The following MLYCD variants were observed in gnomAD, a reference collection of about 807,000 sequenced individuals.
MLYCD encodes the protein malonyl-CoA decarboxylase.
Under a neutral mutation model 35.8 loss-of-function variants are expected in MLYCD, and 27 were observed. The ratio of observed to expected loss-of-function variants is 0.75; its 90% CI spans 0.56 to 1.04. The LOEUF (loss-of-function observed/expected upper bound fraction) is 1.04. Ranked by LOEUF, MLYCD falls within the 50% of genes least tolerant of loss-of-function variation. MLYCD has a pLI of 0.00. For missense variants in MLYCD, 917 were observed against 665.1 expected, an observed-to-expected ratio of 1.38 and a Z score of -4.17; for synonymous variants, 403 against 302.4, an observed-to-expected ratio of 1.33 and a Z score of -3.45.
chr16:83,909,079 A>T (rs996878728), intron 3 of MLYCD, among the ~76,000 whole-genome samples: 1 of 152,134 alleles, frequency 6.6e-6, no homozygotes, highest in Non-Finnish European at 1.5e-5. Context: ...CACCAAGGAG[A>T]AACACATTCC....
At chr16:83,912,817 T>C (rs377440664) in intron 4 of MLYCD, 4 of 275,396 alleles carry the variant, frequency 1.5e-5, no homozygotes, top group African/African-American at 6.5e-5. Flanking sequence ...TGCTGTTAGC[T>C]TGGGCCTTCT....
chr16:83,901,137 C>T (rs936064533), intron 1 of MLYCD, among the ~76,000 whole-genome samples: 3 of 152,070 alleles, frequency 2.0e-5, no homozygotes, highest in East Asian at 1.9e-4. Context: ...CATCTTTGGC[C>T]GTAAGATTCT....
At position 83,899,577 on chromosome 16, in the gene MLYCD, A is replaced by G. The variant is rs1906703372; in HGVS notation, c.433A>G (p.Ser145Gly). The G allele has an allele frequency of 6.3e-7, 1 of 1,592,826 alleles. No homozygotes were observed. Among genetic ancestry groups the G allele is most frequent in the Non-Finnish European group, 8.5e-7 (1 of 1,177,566 alleles). ...PRYRGLFHHISKLDGGVRFLV... is the reference protein window; with the variant it reads ...PRYRGLFHHIGKLDGGVRFLV... The stretch of plus-strand genomic sequence containing the variant: ...CTATCGCGGCCTCTTCCACCACATC[A>G]GCAAGCTGGACGGCGGCGTGCGCTT... Residue 145 changes from serine (S) to glycine (G), a missense_variant, in exon 1 of 5, where the codon AGC (serine) becomes GGC (glycine). By Grantham distance (56) the Ser-to-Gly change is moderately conservative (BLOSUM62 0). Transcript: ENST00000262430.
chr16:83,912,394 C>A lies in MLYCD; in HGVS notation c.948+27C>A. Reference sequence around the variant, plus strand: ...TAAGCGACACGCAGGGAGCCCCGGTCACGCTTGGCTTCCGTGTGGTCAGGT... The same window carrying A: ...TAAGCGACACGCAGGGAGCCCCGGTAACGCTTGGCTTCCGTGTGGTCAGGT... On this transcript the variant is annotated intron_variant, in intron 4 of 4. Coordinates refer to ENST00000262430, the MANE Select transcript of MLYCD (RefSeq NM_012213.3). The A allele has an allele frequency of 1.9e-6, 3 of 1,613,778 alleles. No homozygotes were observed. In the South Asian group the frequency reaches 3.3e-5, roughly 18 times the overall value.
rs991914949 is a variant in MLYCD, at chr16:83,919,414, A to G, written c.*3925A>G. 1 of 146,824 alleles carries G rather than the reference A, an allele frequency of 6.8e-6. No individual in the cohort carries two copies. Among genetic ancestry groups the G allele is most frequent in the Non-Finnish European group, 1.5e-5 (1 of 67,148 alleles). 9.1% of individuals were successfully genotyped at this position (146,824 alleles called of 1,614,324 possible). A position where few individuals can be genotyped will look rare whatever the true frequency, so the allele number is the denominator to read the frequency against. Reference sequence around the variant, plus strand: ...AGGAGAACACACACTGCACAGAACAAATGCACAGCACACAGGAGAACATGC... The same window carrying G: ...AGGAGAACACACACTGCACAGAACAGATGCACAGCACACAGGAGAACATGC... On this transcript the variant is annotated 3_prime_UTR_variant, in exon 5 of 5. Transcript: ENST00000262430.
rs1176677983 is a variant in MLYCD, at chr16:83,915,353, G to A, written c.1346G>A (p.Gly449Asp). 1 of 1,613,770 alleles carries A rather than the reference G, an allele frequency of 6.2e-7. No individual in the cohort carries two copies. The highest frequency in any genetic ancestry group is 2.2e-5 in the East Asian group (1 of 44,870). ...CTCAGAGGCATCACCGGCTCCTGCG[G>A]CCTGATGGCCAACTACCGCTACTTC... is the stretch of plus-strand genomic sequence containing the variant. ...VSLRGITGSC[G>D]LMANYRYFLE... The change falls in exon 5 of 5, where the codon GGC becomes GAC. Residue 449 changes from glycine to aspartate, a missense_variant. Physicochemically the swap from Gly to Asp is moderately conservative, Grantham distance 94. Coordinates refer to ENST00000262430, the MANE Select transcript of MLYCD (RefSeq NM_012213.3).
Position 83,915,691 on chromosome 16 carries a change from T to TGGGTGC in MLYCD, c.*209_*214dup. On this transcript the variant is annotated 3_prime_UTR_variant, in exon 5 of 5. Transcript: ENST00000262430. ...ACATGCACCCAGTGCAAGACGGTTG[T>TGGGTGC]GGGTGCGGGTGCACACAAATGAGTG... is the stretch of plus-strand genomic sequence containing the variant. 6.9e-7 allele frequency: 1 copy of TGGGTGC among 1,456,114 alleles called. No homozygotes were observed. The highest frequency in any genetic ancestry group is 2.5e-5 in the East Asian group (1 of 39,522). 90.2% of individuals were successfully genotyped at this position (1,456,114 alleles called of 1,614,324 possible).
At chr16:83,913,251 T>A (rs1165945326) in intron 4 of MLYCD, 1 of 152,214 alleles carries the variant, frequency 6.6e-6, no homozygotes, top group Non-Finnish European at 1.5e-5. Context: ...GCCGCCATGT[T>A]TCCCCCGGGT....
chr16:83,920,792 G>A lies in MLYCD; in HGVS notation c.*5303G>A, dbSNP rs371912161. ...ACAGACCTATCACCCAGCTTCCACAGTCATCAGTGGTTTTCTGTTTTTATC... is the reference window on the plus strand; with the variant it reads ...ACAGACCTATCACCCAGCTTCCACAATCATCAGTGGTTTTCTGTTTTTATC... On this transcript the variant is annotated 3_prime_UTR_variant, in exon 5 of 5. Coordinates refer to ENST00000262430, the MANE Select transcript of MLYCD (RefSeq NM_012213.3). The A allele has an allele frequency of 6.6e-6, 1 of 152,360 alleles. No individual in the cohort carries two copies. The highest frequency in any genetic ancestry group is 1.9e-4 in the East Asian group (1 of 5,188). The allele number at this position is 152,360 out of a possible 1,614,324, so 9.4% of individuals were successfully genotyped here.
rs1250374553 is a variant in MLYCD at position 83,917,703 on chromosome 16, C to G, written c.*2214C>G. On this transcript the variant is annotated 3_prime_UTR_variant, in exon 5 of 5. Transcript: ENST00000262430. ...TCTTTACCGTAAGCGTCCCCAGACCCTCAGGCCTGCGGAAACCTGCTGGGC... is the reference window on the plus strand; with the variant it reads ...TCTTTACCGTAAGCGTCCCCAGACCGTCAGGCCTGCGGAAACCTGCTGGGC... 1 of 152,260 alleles carries G rather than the reference C, an allele frequency of 6.6e-6. No individual in the cohort carries two copies. Among genetic ancestry groups the G allele is most frequent in the African/African-American group, 2.4e-5 (1 of 41,470 alleles). 9.4% of individuals were successfully genotyped at this position (152,260 alleles called of 1,614,324 possible).
Position 83,899,503 on chromosome 16 carries a change from C to T in MLYCD, c.359C>T (p.Ala120Val). Residue 120 changes from alanine to valine, a missense_variant, in exon 1 of 5, where the codon GCG becomes GTG. Ala to Val is a moderately conservative substitution (Grantham distance 64). Transcript: ENST00000262430. ...CTGCGCCAGCAGCAGCGGGAGGCGGCGGTGCTGCTGCAGGCCGAGGACCGG... is the reference window on the plus strand; with the variant it reads ...CTGCGCCAGCAGCAGCGGGAGGCGGTGGTGCTGCTGCAGGCCGAGGACCGG... ...LHLRQQQREA[A>V]VLLQAEDRLR... is the part of the protein sequence containing the mutation. 1.9e-6 allele frequency: 3 copies of T among 1,572,296 alleles called. No homozygotes were observed. Among genetic ancestry groups the T allele is most frequent in the Non-Finnish European group, 2.6e-6 (3 of 1,169,294 alleles).
Position 83,922,794 on chromosome 16 carries a change from C to G in MLYCD, c.*7305C>G, listed in dbSNP as rs1224991182. 6.6e-6 allele frequency: 1 copy of G among 152,282 alleles called. No homozygotes were observed. Among genetic ancestry groups the G allele is most frequent in the Non-Finnish European group, 1.5e-5 (1 of 68,076 alleles). 9.4% of individuals were successfully genotyped at this position (152,282 alleles called of 1,614,324 possible). A position where few individuals can be genotyped will look rare whatever the true frequency, so the allele number is the denominator to read the frequency against. On this transcript the variant is annotated 3_prime_UTR_variant, in exon 5 of 5. Coordinates refer to ENST00000262430, the MANE Select transcript of MLYCD (RefSeq NM_012213.3). ...CCTGAATGCGGGTTCTGGGATCTTT[C>G]AGTCCTTATTTGGATATTTGAATAT...
intron 3 of MLYCD, among the ~76,000 whole-genome samples, chr16:83,910,939 A>G (rs570938800): frequency 6.6e-6 from 1 of 152,308 alleles, no homozygotes; most frequent in East Asian, 1.9e-4. Context: ...TCCTCAGGGC[A>G]GATATGCATA....
In MLYCD at chr16:83,916,214, G is replaced by A. The variant is rs944707737; in HGVS notation, c.*725G>A. ...ATTGTGTAGTGGTGGTCGTCTTTAA[G>A]ATTAGAGACCTGGGAAGGCTGGAAT... On this transcript the variant is annotated 3_prime_UTR_variant, in exon 5 of 5. Coordinates refer to ENST00000262430, the MANE Select transcript of MLYCD (RefSeq NM_012213.3). 47 of 987,716 alleles carry A rather than the reference G, an allele frequency of 4.8e-5. No individual in the cohort carries two copies. In the South Asian group the frequency reaches 1.5e-3, roughly 31 times the overall value. 61.2% of individuals were successfully genotyped at this position (987,716 alleles called of 1,614,324 possible).
intron 3 of MLYCD, among the ~76,000 whole-genome samples, chr16:83,909,339 G>C (rs1024356666): frequency 4.6e-5 from 7 of 152,190 alleles, no homozygotes; most frequent in African/African-American, 1.4e-4. Context: ...GGCCCATCAG[G>C]AGAGAATGGG....
chr16:83,921,412 G>A lies in MLYCD; in HGVS notation c.*5923G>A, dbSNP rs980509231. On this transcript the variant is annotated 3_prime_UTR_variant, in exon 5 of 5. Transcript: ENST00000262430. ...ATGGATGGAGGAGGGTGGATGGAAG[G>A]AAGGAGGATGGATGGATGGATGGGT... 20 of 138,774 alleles carry A rather than the reference G, an allele frequency of 1.4e-4. No individual in the cohort carries two copies. Among genetic ancestry groups the A allele is most frequent in the Non-Finnish European group, 2.8e-4 (18 of 64,094 alleles). The allele number at this position is 138,774 out of a possible 1,614,324, so 8.6% of individuals were successfully genotyped here.
intron 1 of MLYCD, among the ~76,000 whole-genome samples, chr16:83,902,810 TCTTA>T: frequency 6.6e-6 from 1 of 152,286 alleles, no homozygotes; most frequent in African/African-American, 2.4e-5. Flanking sequence ...CTGGCTGTGT[TCTTA>T]CTTTTTAAAA....
In MLYCD at chr16:83,915,887, T is replaced by G; in HGVS notation, c.*398T>G. On this transcript the variant is annotated 3_prime_UTR_variant, in exon 5 of 5. Coordinates refer to ENST00000262430, the MANE Select transcript of MLYCD (RefSeq NM_012213.3). ...CCGGGGCGCGTGGCCCAGATAAGAA[T>G]AGGTGTTCCTTTGTGCTCATAAAAC... is the stretch of plus-strand genomic sequence containing the variant. 8.7e-7 allele frequency: 1 copy of G among 1,144,254 alleles called. No homozygotes were observed. The highest frequency in any genetic ancestry group is 1.1e-6 in the Non-Finnish European group (1 of 922,118). 70.9% of individuals were successfully genotyped at this position (1,144,254 alleles called of 1,614,324 possible).
At position 83,899,521 on chromosome 16, in the gene MLYCD, A is replaced by G; in HGVS notation, c.377A>G (p.Glu126Gly). 1 of 1,589,174 alleles carries G rather than the reference A, an allele frequency of 6.3e-7. No individual in the cohort carries two copies. The highest frequency in any genetic ancestry group is 8.5e-7 in the Non-Finnish European group (1 of 1,176,268). ...QREAAVLLQA[E>G]DRLRYALVPR... The stretch of plus-strand genomic sequence containing the variant: ...GAGGCGGCGGTGCTGCTGCAGGCCG[A>G]GGACCGGCTGCGCTACGCGCTGGTG... The change falls in exon 1 of 5, where the codon GAG (glutamate) becomes GGG (glycine). Residue 126 changes from glutamate (E) to glycine (G), a missense_variant. By Grantham distance (98) the Glu-to-Gly change is moderately conservative. Transcript: ENST00000262430.
Sources: gnomAD v4.1 joint callset for allele counts (sites outside exome capture counted in the v4.1 genomes callset) on GRCh38, gnomAD v4.1.1 for gene constraint, MANE v1.5 for transcripts, NCBI Gene and HGNC (gene_info 2026-07-23, HGNC 2026-07-21) for gene names.